CDYL2: variants seen among roughly 807,000 people sequenced by gnomAD.
CDYL2 encodes the protein chromodomain Y like 2, also known as chromodomain Y-like protein 2.
Under a neutral mutation model 49.4 loss-of-function variants are expected in CDYL2, and 23 were observed. The ratio of observed to expected loss-of-function variants is 0.47; its 90% CI spans 0.34 to 0.66. CDYL2 has a LOEUF of 0.66. CDYL2 is among the 30% of genes least tolerant of loss of function. The pLI, the probability that CDYL2 is intolerant of heterozygous loss-of-function variation, is 0.01. For missense variants in CDYL2, 678 were observed against 656.4 expected (o/e 1.03, Z -0.36); for synonymous variants, 360 against 268.8 (o/e 1.34, Z -3.32).
At chr16:80,741,500 T>G (rs1473029209) in intron 1 of CDYL2, among the ~76,000 whole-genome samples, 2 of 152,172 alleles carry the variant, frequency 1.3e-5, no homozygotes, top group Admixed American at 6.5e-5. Flanking sequence ...GGAAAATATT[T>G]GCAGCATAGG....
chr16:80,629,573 G>A (rs1907459614), intron 3 of CDYL2, among the ~76,000 whole-genome samples: 1 of 152,178 alleles, frequency 6.6e-6, no homozygotes, highest in South Asian at 2.1e-4. Flanking sequence ...CAAGGAGACT[G>A]TGTCATCTGT....
chr16:80,708,967 A>G (rs1335883393), intron 1 of CDYL2, among the ~76,000 whole-genome samples: 2 of 152,366 alleles, frequency 1.3e-5, no homozygotes, highest in African/African-American at 4.8e-5. Context: ...CATTCCGAAA[A>G]TAAAAATGTT....
chr16:80,759,120 A>ATATATATATATATATATATATGGTT lies in CDYL2; in HGVS notation c.24+45029_24+45030insAACCATATATATATATATATATATA, dbSNP rs1567597491. 1.5e-3 allele frequency among the ~76,000 whole-genome samples: 190 copies of ATATATATATATATATATATATGGTT among 122,664 alleles called. 1 individual carries two copies. The highest frequency in any genetic ancestry group is 4.5e-3 in the African/African-American group (128 of 28,552). The allele number at this position is 122,664 out of a possible 152,430, so 80.5% of individuals were successfully genotyped here. ...CCATATACTATATATATATATATAT[A>ATATATATATATATATATATATGGTT]TATATATATATATATATATGGTTTA... On this transcript the variant is annotated intron_variant, in intron 1 of 6. Transcript: ENST00000570137.
chr16:80,791,538 G>C (rs1448986990), intron 1 of CDYL2, among the ~76,000 whole-genome samples: 1 of 152,084 alleles, frequency 6.6e-6, no homozygotes, highest in East Asian at 1.9e-4. Flanking sequence ...CCAAAGAAAG[G>C]GTGGAAATCT....
At chr16:80,655,767 C>T (rs1430532599) in intron 2 of CDYL2, among the ~76,000 whole-genome samples, 1 of 152,258 alleles carries the variant, frequency 6.6e-6, no homozygotes, top group East Asian at 1.9e-4. Context: ...ATTCTGGATG[C>T]GGGTGGCTGA....
intron 1 of CDYL2, among the ~76,000 whole-genome samples, chr16:80,735,453 T>C (rs1905487624): frequency 6.6e-6 from 1 of 152,186 alleles, no homozygotes; most frequent in African/African-American, 2.4e-5. Flanking sequence ...TTGTCAAAAA[T>C]TAATGAGCTA....
At chr16:80,610,391 T>TA (rs2142362850) in intron 5 of CDYL2, among the ~76,000 whole-genome samples, 1 of 152,202 alleles carries the variant, frequency 6.6e-6, no homozygotes, top group South Asian at 2.1e-4. Flanking sequence ...GACCTTCCGA[T>TA]AAAATCAAGA....
At chr16:80,747,748 C>G (rs1293246892) in intron 1 of CDYL2, among the ~76,000 whole-genome samples, 2 of 152,206 alleles carry the variant, frequency 1.3e-5, no homozygotes, top group Admixed American at 6.5e-5. Context: ...TGAGTAAGTG[C>G]CCTAGTTTCT....
At chr16:80,742,718 A>T (rs1905787031) in intron 1 of CDYL2, among the ~76,000 whole-genome samples, 2 of 151,508 alleles carry the variant, frequency 1.3e-5, no homozygotes, top group Non-Finnish European at 2.9e-5. Context: ...AGATGTATGG[A>T]TGGGTGACAG....
At chr16:80,716,430 G>A (rs886394574) in intron 1 of CDYL2, among the ~76,000 whole-genome samples, 1 of 150,596 alleles carries the variant, frequency 6.6e-6, no homozygotes, top group African/African-American at 2.5e-5. Context: ...GGGTGGATGG[G>A]TAGGTCGATG....
At chr16:80,746,226 A>C (rs1905925642) in intron 1 of CDYL2, among the ~76,000 whole-genome samples, 1 of 152,188 alleles carries the variant, frequency 6.6e-6, no homozygotes. Context: ...TGGGGGACTA[A>C]AATCCAACTC....
At chr16:80,625,534 G>A (rs939910970) in intron 3 of CDYL2, among the ~76,000 whole-genome samples, 1 of 152,198 alleles carries the variant, frequency 6.6e-6, no homozygotes, top group African/African-American at 2.4e-5. Flanking sequence ...AGATTCTGGA[G>A]ATTTGGACAT....
intron 2 of CDYL2, among the ~76,000 whole-genome samples, chr16:80,657,482 C>T (rs1172873866): frequency 6.6e-6 from 1 of 152,118 alleles, no homozygotes; most frequent in Non-Finnish European, 1.5e-5. Flanking sequence ...ACAGAACAAA[C>T]AATCCACAGC....
chr16:80,644,298 T>C (rs1397167935), intron 2 of CDYL2, among the ~76,000 whole-genome samples: 2 of 152,260 alleles, frequency 1.3e-5, no homozygotes, highest in African/African-American at 2.4e-5. Flanking sequence ...ATATCACTTA[T>C]CAGGCTTTTG....
At chr16:80,698,974 C>A (rs1468969082) in intron 1 of CDYL2, among the ~76,000 whole-genome samples, 2 of 152,034 alleles carry the variant, frequency 1.3e-5, no homozygotes, top group Non-Finnish European at 2.9e-5. Context: ...ACATCTCACC[C>A]CAGGTAGAAT....
chr16:80,712,189 G>GTATATATA lies in CDYL2; in HGVS notation c.25-27061_25-27060insTATATATA, dbSNP rs527296483. On this transcript the variant is annotated intron_variant, in intron 1 of 6. Transcript: ENST00000570137. ...TATATATGTGTCTTTGTGTCTGTGTGTGTATATATATATATATATATATAT... is the reference window on the plus strand; with the variant it reads ...TATATATGTGTCTTTGTGTCTGTGTGTATATATATGTATATATATATATATATATATAT... Among the ~76,000 whole-genome samples, 17 of 75,842 alleles carry GTATATATA rather than the reference G, an allele frequency of 2.2e-4. 1 individual carries two copies. Among genetic ancestry groups the GTATATATA allele is most frequent in the Admixed American group, 5.3e-4 (4 of 7,580 alleles). The allele number at this position is 75,842 out of a possible 152,430, so 49.8% of individuals were successfully genotyped here.
At chr16:80,672,378 A>G (rs1220662612) in intron 2 of CDYL2, among the ~76,000 whole-genome samples, 1 of 148,986 alleles carries the variant, frequency 6.7e-6, no homozygotes, top group African/African-American at 2.5e-5. Flanking sequence ...GATGAGTAGA[A>G]CAGGCTTTCC....
At chr16:80,636,511 T>C (rs4586445) in intron 2 of CDYL2, among the ~76,000 whole-genome samples, 23,956 of 152,148 alleles carry the variant, frequency 0.16, 2,330 homozygotes, top group Admixed American at 0.29. Context: ...TGAGATGCCA[T>C]CTCACGCCAG....
At chr16:80,639,696 T>C (rs1272542844) in intron 2 of CDYL2, 1 of 455,968 alleles carries the variant, frequency 2.2e-6, no homozygotes, top group Non-Finnish European at 4.4e-6. Flanking sequence ...TTCATATTGC[T>C]GAAAGAAGCA....
Sources: allele counts gnomAD v4.1 joint callset (sites outside exome capture counted in the v4.1 genomes callset), GRCh38; gene constraint gnomAD v4.1.1; transcripts MANE v1.5; gene names NCBI Gene and HGNC (gene_info 2026-07-23, HGNC 2026-07-21).